Variants in DKK2 observed in about 807,000 individuals in gnomAD.
DKK2 encodes the protein dickkopf-related protein 2.
A neutral mutation model predicts 28.1 loss-of-function variants in DKK2; 11 were observed. The observed-to-expected ratio is 0.39, with a 90% CI of 0.25 to 0.65. The LOEUF (loss-of-function observed/expected upper bound fraction) is 0.65. DKK2 is among the 30% of genes least tolerant of loss of function. DKK2 has a pLI of 0.47. For synonymous variants in DKK2, 135 were observed against 126.5 expected (o/e 1.07, Z -0.45); for missense variants, 326 against 335.5 (o/e 0.97, Z 0.22).
At chr4:107,015,193 AG>A (rs1342172806) in intron 1 of DKK2, among the ~76,000 whole-genome samples, 4 of 151,614 alleles carry the variant, frequency 2.6e-5, no homozygotes, top group Admixed American at 1.3e-4. Context: ...ATAATGTTAA[AG>A]TTTCACATAG....
At chr4:106,988,248 T>C (rs1723152281) in intron 1 of DKK2, among the ~76,000 whole-genome samples, 1 of 152,194 alleles carries the variant, frequency 6.6e-6, no homozygotes, top group South Asian at 2.1e-4. Context: ...GGTTTTTAGT[T>C]AAAACAGCTG....
At chr4:107,008,228 C>T (rs1723465128) in intron 1 of DKK2, among the ~76,000 whole-genome samples, 1 of 152,060 alleles carries the variant, frequency 6.6e-6, no homozygotes, top group East Asian at 1.9e-4. Context: ...TTCATTCATT[C>T]AAGTAATATT....
intron 1 of DKK2, among the ~76,000 whole-genome samples, chr4:106,935,970 C>A (rs929951858): frequency 2.6e-5 from 4 of 152,068 alleles, no homozygotes; most frequent in African/African-American, 9.7e-5. Context: ...ATCTGTACAT[C>A]ACCATCATCA....
At chr4:107,000,876 A>T (rs905502067) in intron 1 of DKK2, among the ~76,000 whole-genome samples, 38 of 152,222 alleles carry the variant, frequency 2.5e-4, no homozygotes, top group African/African-American at 8.7e-4. Context: ...CTCAGAACTC[A>T]TAAGAGTTGA....
chr4:106,983,682 T>C (rs976559117), intron 1 of DKK2, among the ~76,000 whole-genome samples: 1 of 152,152 alleles, frequency 6.6e-6, no homozygotes, highest in Non-Finnish European at 1.5e-5. Context: ...AGTGGCAGAC[T>C]AGGAGAAAAT....
At chr4:106,969,313 G>T (rs1241405299) in intron 1 of DKK2, among the ~76,000 whole-genome samples, 2 of 150,880 alleles carry the variant, frequency 1.3e-5, no homozygotes, top group African/African-American at 2.4e-5. Context: ...CATACTCAGG[G>T]CTCATCTCAG....
chr4:107,031,397 A>G (rs1723872805), intron 1 of DKK2, among the ~76,000 whole-genome samples: 1 of 152,010 alleles, frequency 6.6e-6, no homozygotes, highest in Non-Finnish European at 1.5e-5. Flanking sequence ...GTTTGTGCAT[A>G]CAGATACAGC....
In DKK2 at chr4:106,928,454, G is replaced by A. The variant is rs938825108; in HGVS notation, c.223-2505C>T. On this transcript the variant is annotated intron_variant, in intron 1 of 3. Transcript: ENST00000285311. ...CATAAATACTAGGAGACATTCTTTG[G>A]AAATTTTAAAAATAAATTTTTTAAT... Among the ~76,000 whole-genome samples, 15 of 152,018 alleles carry A rather than the reference G, an allele frequency of 9.9e-5. 1 individual carries two copies. The highest frequency in any genetic ancestry group is 3.6e-4 in the African/African-American group (15 of 41,396).
At chr4:106,964,946 TATAGATAGATAGATATAG>T (rs1360267918) in intron 1 of DKK2, among the ~76,000 whole-genome samples, 4 of 146,898 alleles carry the variant, frequency 2.7e-5, no homozygotes, top group Non-Finnish European at 6.0e-5. Flanking sequence ...ATAGATTAGA[TATAGATAGATAGATATAG>T]ATAGATAGAT....
chr4:106,969,556 A>G (rs1315711205), intron 1 of DKK2, among the ~76,000 whole-genome samples: 1 of 152,048 alleles, frequency 6.6e-6, no homozygotes, highest in Non-Finnish European at 1.5e-5. Flanking sequence ...AAAAAAAGAC[A>G]GGAGTGATAT....
At chr4:107,028,115 T>C (rs1723818588) in intron 1 of DKK2, among the ~76,000 whole-genome samples, 1 of 152,196 alleles carries the variant, frequency 6.6e-6, no homozygotes, top group Non-Finnish European at 1.5e-5. Flanking sequence ...TTCCACTAAT[T>C]ACTTAATTAT....
In DKK2 at chr4:106,951,338, T is replaced by C. The variant is rs116036953; in HGVS notation, c.223-25389A>G. On this transcript the variant is annotated intron_variant, in intron 1 of 3. Transcript: ENST00000285311. ...TCCAGCAATCCCACTATTGGGTATT[T>C]ATTTAAAGGAAAAGAAATCGATATA... 3.9e-3 allele frequency among the ~76,000 whole-genome samples: 595 copies of C among 152,260 alleles called. 2 individuals carry two copies. The highest frequency in any genetic ancestry group is 0.013 in the African/African-American group (553 of 41,558).
At chr4:106,930,075 G>A (rs1263609664) in intron 1 of DKK2, among the ~76,000 whole-genome samples, 1 of 152,140 alleles carries the variant, frequency 6.6e-6, no homozygotes, top group Non-Finnish European at 1.5e-5. Context: ...TACTGCAGCT[G>A]TTGGAAAAAG....
intron 1 of DKK2, among the ~76,000 whole-genome samples, chr4:106,932,953 T>C (rs1724524392): frequency 6.6e-6 from 1 of 152,216 alleles, no homozygotes. Context: ...TGAGTGACCG[T>C]TAGCTAAATT....
intron 1 of DKK2, among the ~76,000 whole-genome samples, chr4:106,945,706 C>G (rs1724766217): frequency 6.6e-6 from 1 of 152,262 alleles, no homozygotes; most frequent in South Asian, 2.1e-4. Context: ...GGCTTGTTCA[C>G]TGCTGAGTCC....
chr4:107,005,340 C>CAAAAAAAAAA (rs35333301), intron 1 of DKK2, among the ~76,000 whole-genome samples: 1 of 72,468 alleles, frequency 1.4e-5, no homozygotes, highest in Non-Finnish European at 2.7e-5. Flanking sequence ...GACTTGGTCT[C>CAAAAAAAAAA]AAAAAAAAAA....
At chr4:106,941,059 GTAAC>G (rs1560576384) in intron 1 of DKK2, among the ~76,000 whole-genome samples, 1 of 151,940 alleles carries the variant, frequency 6.6e-6, no homozygotes, top group African/African-American at 2.4e-5. Context: ...GTATACATAT[GTAAC>G]TAACCTGCAC....
At chr4:106,936,938 G>C (rs867778739) in intron 1 of DKK2, among the ~76,000 whole-genome samples, 3,876 of 151,796 alleles carry the variant, frequency 0.026, 100 homozygotes, top group Middle Eastern at 0.068. Flanking sequence ...TCACCACCAG[G>C]CCTGCCCTAA....
intron 1 of DKK2, among the ~76,000 whole-genome samples, chr4:107,008,925 C>A (rs1310369075): frequency 6.6e-6 from 1 of 151,922 alleles, no homozygotes; most frequent in Non-Finnish European, 1.5e-5. Flanking sequence ...GTAATCAAAA[C>A]TAGATTATCT....
Sources: allele counts gnomAD v4.1 joint callset (sites outside exome capture counted in the v4.1 genomes callset), GRCh38; gene constraint gnomAD v4.1.1; transcripts MANE v1.5; gene names NCBI Gene and HGNC (gene_info 2026-07-23, HGNC 2026-07-21).